ATP6V1C1: variants seen among roughly 807,000 people sequenced by gnomAD.
The protein encoded by ATP6V1C1 is ATPase H+ transporting V1 subunit C1.
A neutral mutation model predicts 53.9 loss-of-function variants in ATP6V1C1; 45 were observed. The ratio of observed to expected loss-of-function variants is 0.83; its 90% CI spans 0.66 to 1.07. The LOEUF is 1.07. Among genes scored for constraint, ATP6V1C1 ranks in the 50% least tolerant of loss-of-function variants. The pLI is 0.00. For missense variants in ATP6V1C1, 315 were observed against 440.3 expected (o/e 0.72, Z 2.55); for synonymous variants, 153 against 155.2 (o/e 0.99, Z 0.11).
intron 1 of ATP6V1C1, among the ~76,000 whole-genome samples, chr8:103,023,239 G>A (rs1483989048): frequency 6.7e-6 from 1 of 149,760 alleles, no homozygotes; most frequent in Non-Finnish European, 1.5e-5. Flanking sequence ...ACAGAGGGAA[G>A]CCAGTGAAGA....
intron 8 of ATP6V1C1, among the ~76,000 whole-genome samples, chr8:103,056,260 T>C (rs999400223): frequency 1.3e-5 from 2 of 152,174 alleles, no homozygotes; most frequent in Non-Finnish European, 2.9e-5. Flanking sequence ...GTGCTGCCTT[T>C]TGAAAATTCT....
At chr8:103,044,385 T>A (rs935782238) in intron 3 of ATP6V1C1, among the ~76,000 whole-genome samples, 2 of 152,242 alleles carry the variant, frequency 1.3e-5, no homozygotes, top group Non-Finnish European at 2.9e-5. Context: ...GGTCTTTGAT[T>A]CATTTTGAGT....
At chr8:103,043,362 G>C (rs1031193153) in intron 3 of ATP6V1C1, among the ~76,000 whole-genome samples, 1 of 151,914 alleles carries the variant, frequency 6.6e-6, no homozygotes, top group Non-Finnish European at 1.5e-5. Flanking sequence ...TCGCTCTGTC[G>C]CCCAGGCTGG....
intron 10 of ATP6V1C1, 125 bp from the exon 11 acceptor site, chr8:103,064,589 G>C (rs1357120661): frequency 1.4e-6 from 1 of 699,008 alleles, no homozygotes; most frequent in African/African-American, 1.8e-5. Flanking sequence ...GAAACATGTA[G>C]AAAGTGAATT....
In ATP6V1C1 at chr8:103,070,795, C is replaced by CT. The variant is rs1817574097; in HGVS notation, c.*2049dup. ...ATAGCAGAGTGGCTGAGCATGTGCT[C>CT]TGAGGCCAGGCCCCAGCTCTGCTGC... is the stretch of plus-strand genomic sequence containing the variant. On this transcript the variant is annotated 3_prime_UTR_variant, in exon 13 of 13. Coordinates refer to ENST00000518738, the MANE Select transcript of ATP6V1C1 (RefSeq NM_001695.5). 1 of 152,210 alleles carries CT rather than the reference C, an allele frequency of 6.6e-6. No homozygotes were observed. The highest frequency in any genetic ancestry group is 6.5e-5 in the Admixed American group (1 of 15,290). The allele number at this position is 152,210 out of a possible 1,614,324, so 9.4% of individuals were successfully genotyped here. A position where few individuals can be genotyped will look rare whatever the true frequency, so the allele number is the denominator to read the frequency against.
chr8:103,061,066 T>A (rs1316799599), intron 8 of ATP6V1C1, among the ~76,000 whole-genome samples: 1 of 152,184 alleles, frequency 6.6e-6, no homozygotes, highest in Non-Finnish European at 1.5e-5. Context: ...CATCACTGAG[T>A]AAATCTTGGC....
intron 3 of ATP6V1C1, among the ~76,000 whole-genome samples, chr8:103,045,775 A>C (rs1487356810): frequency 6.6e-6 from 1 of 152,136 alleles, no homozygotes; most frequent in East Asian, 1.9e-4. Context: ...CCCCGTCTCT[A>C]CTAAAAATAC....
intron 3 of ATP6V1C1, among the ~76,000 whole-genome samples, chr8:103,044,685 T>TTTTTTTC (rs1817063774): frequency 6.6e-6 from 1 of 152,138 alleles, no homozygotes; most frequent in African/African-American, 2.4e-5. Context: ...TTTTTTTTTT[T>TTTTTTTC]TTTTTTCAAG....
intron 8 of ATP6V1C1, among the ~76,000 whole-genome samples, chr8:103,061,376 T>C (rs1232146924): frequency 2.6e-5 from 4 of 152,236 alleles, no homozygotes; most frequent in Non-Finnish European, 4.4e-5. Context: ...AACACTGTAA[T>C]TGCCTCCTGA....
chr8:103,043,627 G>T (rs1023903399), intron 3 of ATP6V1C1, among the ~76,000 whole-genome samples: 3 of 151,914 alleles, frequency 2.0e-5, no homozygotes, highest in Non-Finnish European at 4.4e-5. Flanking sequence ...CACCGCGCCC[G>T]GCTGATAATA....
At chr8:103,055,667 G>A (rs1350790062) in intron 7 of ATP6V1C1, among the ~76,000 whole-genome samples, 4 of 152,056 alleles carry the variant, frequency 2.6e-5, no homozygotes, top group Non-Finnish European at 5.9e-5. Flanking sequence ...GAGGTAGGGT[G>A]GTGATCTGTT....
chr8:103,025,008 G>T (rs1455713759), intron 1 of ATP6V1C1, among the ~76,000 whole-genome samples: 2 of 152,052 alleles, frequency 1.3e-5, no homozygotes, highest in Non-Finnish European at 2.9e-5. Context: ...TTACATCGGG[G>T]ATAAAAGAGT....
At position 103,068,765 on chromosome 8, in the gene ATP6V1C1, G is replaced by T. The variant is rs764799093; in HGVS notation, c.*18G>T. The stretch of plus-strand genomic sequence containing the variant: ...TCAAGTGAAAATGGGCTCCTCCCCC[G>T]ACAATCCTGTCCTTGTGTTTGTGTG... On this transcript the variant is annotated 3_prime_UTR_variant, in exon 13 of 13. Transcript: ENST00000518738. The T allele has an allele frequency of 5.0e-5, 80 of 1,589,570 alleles. 1 individual carries two copies. The South Asian group carries it at 8.6e-4, about 17-fold the overall frequency.
In ATP6V1C1 at chr8:103,053,917, T is replaced by A. The variant is rs745962841; in HGVS notation, c.507T>A (p.Ile169=). The A allele has an allele frequency of 6.2e-7, 1 of 1,611,890 alleles. No homozygotes were observed. Among genetic ancestry groups the A allele is most frequent in the South Asian group, 1.1e-5 (1 of 90,770 alleles). ...TGCTAACTAGAAGTCTAGCAGAAAT[T>A]GTGAAGAAGGATGACTTTGTTCTTG... The part of the protein sequence containing the change: ...GSLLTRSLAE[I]VKKDDFVLDS... Residue 169 remains isoleucine, a synonymous_variant, in exon 7 of 13, where the codon ATT becomes ATA. Coordinates refer to ENST00000518738, the MANE Select transcript of ATP6V1C1 (RefSeq NM_001695.5).
At chr8:103,066,295 G>T (rs112591230) in intron 11 of ATP6V1C1, 26 bp from the exon 12 acceptor site, 1 of 1,593,142 alleles carries the variant, frequency 6.3e-7, no homozygotes, top group South Asian at 1.2e-5. Context: ...CTTGTATTGC[G>T]TACTGTATTT....
chr8:103,060,886 C>T (rs976439978), intron 8 of ATP6V1C1, among the ~76,000 whole-genome samples: 2 of 152,160 alleles, frequency 1.3e-5, no homozygotes, highest in Non-Finnish European at 2.9e-5. Context: ...GTAACCTGTT[C>T]ATTGACACAG....
In ATP6V1C1 at chr8:103,040,679, A is replaced by G. The variant is rs893098863; in HGVS notation, c.-39-119A>G. 1.5e-5 allele frequency: 13 copies of G among 840,734 alleles called. No homozygotes were observed. In the African/African-American group the frequency reaches 1.8e-4, roughly 11 times the overall value. The allele number at this position is 840,734 out of a possible 1,614,324, so 52.1% of individuals were successfully genotyped here. ...TAAATTTCACTTTGCTTGAGATCCT[A>G]TGCCAACATTAGATTAGTTTTGAAA... On this transcript the variant is annotated intron_variant, in intron 1 of 12. Coordinates refer to ENST00000518738, the MANE Select transcript of ATP6V1C1 (RefSeq NM_001695.5).
At chr8:103,037,614 A>G (rs920991221) in intron 1 of ATP6V1C1, among the ~76,000 whole-genome samples, 7 of 152,162 alleles carry the variant, frequency 4.6e-5, no homozygotes, top group Admixed American at 4.6e-4. Context: ...ATCCATTTTA[A>G]AGTTCACTAA....
rs1301959275 is a variant in ATP6V1C1, at chr8:103,064,695, A to C, written c.829-19A>C. On this transcript the variant is annotated intron_variant, in intron 10 of 12. Transcript: ENST00000518738. ...TATTTCTAAGACCAAATTTGTGGTA[A>C]TTTTTTTTCTTTTTATAGGGACCAC... 3.8e-6 allele frequency: 6 copies of C among 1,594,462 alleles called. No homozygotes were observed. Among genetic ancestry groups the C allele is most frequent in the Non-Finnish European group, 5.1e-6 (6 of 1,172,462 alleles).
Sources: gnomAD v4.1 joint callset for allele counts (sites outside exome capture counted in the v4.1 genomes callset) on GRCh38, gnomAD v4.1.1 for gene constraint, MANE v1.5 for transcripts, NCBI Gene and HGNC (gene_info 2026-07-23, HGNC 2026-07-21) for gene names.